The following NELL1 variants were observed in gnomAD, a reference collection of about 807,000 sequenced individuals.
NELL1 encodes neural EGFL like 1.
A neutral mutation model predicts 107.4 loss-of-function variants in NELL1; 76 were observed. The ratio of observed to expected loss-of-function variants is 0.71; its 90% confidence interval spans 0.59 to 0.86. The LOEUF (loss-of-function observed/expected upper bound fraction) is 0.86, where lower values mean the gene tolerates loss of function less well. Ranked by LOEUF, NELL1 falls within the 40% of genes least tolerant of loss-of-function variation. The probability of loss-of-function intolerance (pLI) is 0.00; values close to 1 mark genes in which losing one functional copy is unlikely to be tolerated. For synonymous variants in NELL1, 353 were observed against 341.2 expected, an observed-to-expected ratio of 1.03 and a Z score of -0.38; for missense variants, 1,024 against 1,005.5, an observed-to-expected ratio of 1.02 and a Z score of -0.25.
At chr11:21,460,519 G>T (rs1853874007) in intron 15 of NELL1, among the ~76,000 whole-genome samples, 1 of 152,226 alleles carries the variant, frequency 6.6e-6, no homozygotes, top group African/African-American at 2.4e-5. Flanking sequence ...TAGCTATGGT[G>T]CCAGGTTTCT....
At chr11:20,705,264 A>G (rs1854914592) in intron 2 of NELL1, among the ~76,000 whole-genome samples, 1 of 152,180 alleles carries the variant, frequency 6.6e-6, no homozygotes, top group Non-Finnish European at 1.5e-5. Context: ...TTCAAACTAT[A>G]TGCTACAAGG....
chr11:21,353,600 A>T (rs1236057643), intron 14 of NELL1, among the ~76,000 whole-genome samples: 6 of 152,182 alleles, frequency 3.9e-5, no homozygotes, highest in African/African-American at 1.4e-4. Context: ...AGAAAGGCAG[A>T]TCGCTGGGCT....
In NELL1 at chr11:21,210,459, A is replaced by G. The variant is rs554663175; in HGVS notation, c.1427-18873A>G. 1.8e-4 allele frequency among the ~76,000 whole-genome samples: 27 copies of G among 152,232 alleles called. No individual in the cohort carries two copies. The South Asian group carries it at 5.6e-3, about 32-fold the overall frequency. ...AAGTGGTATCTCATTGTGGCTTTGC[A>G]TTAGATTTCCCTAATTGTTAATGAT... On this transcript the variant is annotated intron_variant, in intron 13 of 19. Transcript: ENST00000357134.
chr11:21,228,429 G>A (rs950039843), intron 13 of NELL1, among the ~76,000 whole-genome samples: 1 of 152,076 alleles, frequency 6.6e-6, no homozygotes, highest in African/African-American at 2.4e-5. Flanking sequence ...TGAACCCTAT[G>A]AAAGTGGGCT....
At chr11:20,874,414 G>A (rs553535369) in intron 4 of NELL1, among the ~76,000 whole-genome samples, 13 of 152,268 alleles carry the variant, frequency 8.5e-5, no homozygotes, top group Non-Finnish European at 1.9e-4. Flanking sequence ...AGCCAGTGTG[G>A]CATGGCAGAA....
chr11:21,019,469 C>G (rs191021812), intron 12 of NELL1, among the ~76,000 whole-genome samples: 1 of 152,094 alleles, frequency 6.6e-6, no homozygotes, highest in Admixed American at 6.6e-5. Context: ...CTGCACTCTG[C>G]GAGGCATTCT....
At chr11:21,380,643 T>C (rs994399888) in intron 15 of NELL1, among the ~76,000 whole-genome samples, 1 of 152,046 alleles carries the variant, frequency 6.6e-6, no homozygotes, top group African/African-American at 2.4e-5. Context: ...TTAGAGTCAC[T>C]TGAAGCTATT....
In NELL1 at chr11:20,696,382, T is replaced by C. The variant is rs957880589; in HGVS notation, c.184+18322T>C. ...ACTAGGTTTGGGGTCATTTTTGTCT[T>C]GTTACTCTGGGTGTGATGTTAGATC... On this transcript the variant is annotated intron_variant, in intron 2 of 19. Transcript: ENST00000357134. Among the ~76,000 whole-genome samples, 4 of 152,124 alleles carry C rather than the reference T, an allele frequency of 2.6e-5. No homozygotes were observed. The East Asian group carries it at 7.7e-4, about 29-fold the overall frequency.
intron 12 of NELL1, among the ~76,000 whole-genome samples, chr11:21,102,905 A>G (rs1436211173): frequency 6.6e-6 from 1 of 152,186 alleles, no homozygotes; most frequent in African/African-American, 2.4e-5. Flanking sequence ...TCAGTAGTTT[A>G]TGGTTTTCAT....
At chr11:21,527,182 G>A (rs1471491234) in intron 15 of NELL1, among the ~76,000 whole-genome samples, 1 of 151,984 alleles carries the variant, frequency 6.6e-6, no homozygotes, top group Non-Finnish European at 1.5e-5. Flanking sequence ...CAGTCTCTTT[G>A]TGTAGCAAAA....
At chr11:20,755,865 GTTTTTTTTTTTTTTTTTTT>G (rs574606148) in intron 2 of NELL1, among the ~76,000 whole-genome samples, 16 of 122,082 alleles carry the variant, frequency 1.3e-4, no homozygotes, top group Admixed American at 7.5e-4. Flanking sequence ...CAGACCTGCG[GTTTTTTTTTTTTTTTTTTT>G]TTTTTTTTTT....
At chr11:20,908,547 G>A (rs1421585849) in intron 5 of NELL1, among the ~76,000 whole-genome samples, 2 of 152,036 alleles carry the variant, frequency 1.3e-5, no homozygotes, top group Non-Finnish European at 2.9e-5. Flanking sequence ...ACACACTGGG[G>A]CCTGTTGCGG....
In NELL1 at chr11:20,969,283, C is replaced by T. The variant is rs116398208; in HGVS notation, c.1300+8723C>T. On this transcript the variant is annotated intron_variant, in intron 12 of 19. Transcript: ENST00000357134. ...TCTCAAGGTGACCCATCTCCTTTCTCTCCAAGCAAAATTCACAGTTTCCCC... is the reference window on the plus strand; with the variant it reads ...TCTCAAGGTGACCCATCTCCTTTCTTTCCAAGCAAAATTCACAGTTTCCCC... 5.7e-3 allele frequency among the ~76,000 whole-genome samples: 861 copies of T among 152,254 alleles called. 12 individuals are homozygous for T. Among genetic ancestry groups the T allele is most frequent in the African/African-American group, 0.02 (817 of 41,528 alleles).
intron 15 of NELL1, among the ~76,000 whole-genome samples, chr11:21,417,807 C>T (rs529372076): frequency 9.9e-5 from 15 of 152,170 alleles, no homozygotes; most frequent in Non-Finnish European, 1.8e-4. Context: ...TCCTACTTCA[C>T]TCCCTATTAG....
chr11:20,743,183 A>G (rs781553725), intron 2 of NELL1, among the ~76,000 whole-genome samples: 3 of 151,976 alleles, frequency 2.0e-5, no homozygotes, highest in Non-Finnish European at 2.9e-5. Context: ...TGATCTCGCC[A>G]TCTCCACTAA....
intron 13 of NELL1, among the ~76,000 whole-genome samples, chr11:21,212,606 C>A (rs548090672): frequency 3.4e-4 from 52 of 152,256 alleles, no homozygotes; most frequent in African/African-American, 1.2e-3. Context: ...CACTTCCATG[C>A]AGAAACATGG....
intron 12 of NELL1, among the ~76,000 whole-genome samples, chr11:21,012,046 TG>T (rs1852458687): frequency 6.6e-6 from 1 of 152,128 alleles, no homozygotes; most frequent in Admixed American, 6.6e-5. Context: ...GAGCACTTTT[TG>T]GGTTAAGACC....
chr11:21,200,220 C>A (rs1426518191), intron 13 of NELL1, among the ~76,000 whole-genome samples: 1 of 152,154 alleles, frequency 6.6e-6, no homozygotes, highest in Non-Finnish European at 1.5e-5. Context: ...GGAATCGCCA[C>A]ACTGTCTTCC....
intron 15 of NELL1, among the ~76,000 whole-genome samples, chr11:21,491,810 T>C (rs1319121705): frequency 6.6e-6 from 1 of 152,164 alleles, no homozygotes; most frequent in East Asian, 1.9e-4. Context: ...TTTCACGATA[T>C]TGATTCTTCC....
Sources: gnomAD v4.1 joint callset for allele counts (sites outside exome capture counted in the v4.1 genomes callset) on GRCh38, gnomAD v4.1.1 for gene constraint, MANE v1.5 for transcripts, NCBI Gene and HGNC (gene_info 2026-07-23, HGNC 2026-07-21) for gene names.